Variants in PTK2B observed in about 807,000 individuals in gnomAD.
PTK2B encodes protein tyrosine kinase 2 beta.
A neutral mutation model predicts 142.9 loss-of-function variants in PTK2B; 71 were observed. The ratio of observed to expected loss-of-function variants is 0.50; its 90% CI spans 0.41 to 0.61. The LOEUF (loss-of-function observed/expected upper bound fraction) is 0.61, where lower values mean the gene tolerates loss of function less well. Among genes scored for constraint, PTK2B ranks in the 20% least tolerant of loss-of-function variants. The probability of loss-of-function intolerance (pLI) is 0.00; values close to 1 mark genes in which losing one functional copy is unlikely to be tolerated. For synonymous variants in PTK2B, 519 were observed against 503.4 expected (o/e 1.03, Z -0.42); for missense variants, 1,105 against 1,320.4 (o/e 0.84, Z 2.53).
At chr8:27,439,823 C>T (rs1298431656) in intron 20 of PTK2B, among the ~76,000 whole-genome samples, 1 of 152,174 alleles carries the variant, frequency 6.6e-6, no homozygotes, top group Non-Finnish European at 1.5e-5. Context: ...TATTATTACT[C>T]TCATTTTCCT....
At chr8:27,360,618 A>G (rs1805642520) in intron 1 of PTK2B, among the ~76,000 whole-genome samples, 1 of 151,658 alleles carries the variant, frequency 6.6e-6, no homozygotes, top group Non-Finnish European at 1.5e-5. Context: ...TGGCGATGCA[A>G]TCATAAAGGG....
At chr8:27,429,843 C>T (rs754222848) in intron 5 of PTK2B, among the ~76,000 whole-genome samples, 2 of 152,188 alleles carry the variant, frequency 1.3e-5, no homozygotes, top group African/African-American at 2.4e-5. Flanking sequence ...CTCCTCAGCC[C>T]AGTATCTGCC....
chr8:27,360,249 A>G (rs1010865341), intron 1 of PTK2B, among the ~76,000 whole-genome samples: 2 of 152,236 alleles, frequency 1.3e-5, no homozygotes, highest in Non-Finnish European at 2.9e-5. Context: ...AGGGTGACGC[A>G]TAAAGAGACA....
intron 1 of PTK2B, among the ~76,000 whole-genome samples, chr8:27,377,319 A>G (rs926765883): frequency 6.6e-6 from 1 of 152,220 alleles, no homozygotes; most frequent in Non-Finnish European, 1.5e-5. Context: ...TACCACGTAC[A>G]TGATGGATAT....
chr8:27,372,730 C>G (rs757865792), intron 1 of PTK2B, among the ~76,000 whole-genome samples: 2 of 152,144 alleles, frequency 1.3e-5, no homozygotes, highest in Non-Finnish European at 2.9e-5. Context: ...CTGAGGACAC[C>G]TGGGCTGTGC....
At chr8:27,415,484 T>C (rs1809346108) in intron 2 of PTK2B, among the ~76,000 whole-genome samples, 1 of 152,228 alleles carries the variant, frequency 6.6e-6, no homozygotes, top group Non-Finnish European at 1.5e-5. Context: ...TGATAAAATC[T>C]GGACAAAATA....
chr8:27,448,762 GT>G (rs1234382057), intron 24 of PTK2B, among the ~76,000 whole-genome samples: 2 of 152,114 alleles, frequency 1.3e-5, no homozygotes, highest in African/African-American at 4.8e-5. Context: ...GTCACTATTT[GT>G]CAACAGCCTG....
chr8:27,458,369 G>A lies in PTK2B; in HGVS notation c.2890G>A (p.Ala964Thr), dbSNP rs752871623. The change falls in exon 31 of 31, where the codon GCC (alanine) becomes ACC (threonine). Residue 964 changes from alanine to threonine, a missense_variant. Physicochemically the swap from Ala to Thr is moderately conservative, Grantham distance 58 (BLOSUM62 0). Coordinates refer to ENST00000346049, the MANE Select transcript of PTK2B (RefSeq NM_173176.3). ...CAAGATGCGGCTGGCACAGCAGAAC[G>A]CCGTGACCTCCCTAAGTGAGGAGTG... Reference protein sequence around the residue: ...INKMRLAQQNAVTSLSEECKR... With the variant: ...INKMRLAQQNTVTSLSEECKR... 6 of 1,613,674 alleles carry A rather than the reference G, an allele frequency of 3.7e-6. No homozygotes were observed. Among genetic ancestry groups the A allele is most frequent in the African/African-American group, 2.7e-5 (2 of 74,922 alleles).
upstream of PTK2B, among the ~76,000 whole-genome samples, chr8:27,322,099 C>T (rs1243619906): frequency 6.6e-6 from 1 of 152,106 alleles, no homozygotes; most frequent in African/African-American, 2.4e-5. Flanking sequence ...AAGCGATTCT[C>T]CTGCCTCAGC....
intron 1 of PTK2B, among the ~76,000 whole-genome samples, chr8:27,350,609 G>C (rs6987305): frequency 2.0e-5 from 3 of 151,848 alleles, no homozygotes; most frequent in African/African-American, 7.3e-5. Context: ...CTCCTGCTTC[G>C]TAATAAAGTT....
In PTK2B at chr8:27,440,262, C is replaced by T. The variant is rs747780919; in HGVS notation, c.1860C>T (p.Ser620=). ...CCGTGTGCATGTGGGAGATCCTGAG[C>T]TTTGGGAAGCAGCCCTTCTTCTGGC... ...MFAVCMWEIL[S]FGKQPFFWLE... The change falls in exon 21 of 31, where the codon AGC becomes AGT. Residue 620 remains serine, a synonymous_variant. Coordinates refer to ENST00000346049, the MANE Select transcript of PTK2B (RefSeq NM_173176.3). 6.2e-7 allele frequency: 1 copy of T among 1,614,084 alleles called. No individual in the cohort carries two copies. The highest frequency in any genetic ancestry group is 2.2e-5 in the East Asian group (1 of 44,892).
intron 1 of PTK2B, among the ~76,000 whole-genome samples, chr8:27,377,037 C>T (rs148144343): frequency 3.2e-4 from 49 of 152,264 alleles, no homozygotes; most frequent in African/African-American, 1.1e-3. Flanking sequence ...ACCAGAGACT[C>T]GCTGTGCAAA....
At chr8:27,379,387 G>T (rs1418461810) in intron 1 of PTK2B, among the ~76,000 whole-genome samples, 1 of 152,034 alleles carries the variant, frequency 6.6e-6, no homozygotes, top group African/African-American at 2.4e-5. Flanking sequence ...CCACCATGCC[G>T]GGGTCTTTTT....
intron 11 of PTK2B, among the ~76,000 whole-genome samples, chr8:27,433,784 G>A (rs1318581154): frequency 6.6e-6 from 1 of 152,230 alleles, no homozygotes; most frequent in African/African-American, 2.4e-5. Context: ...CTGGAGGAGA[G>A]GCGTTTTAGC....
chr8:27,458,737 A>T lies in PTK2B; in HGVS notation c.*228A>T, dbSNP rs1812313117. 1.7e-6 allele frequency: 1 copy of T among 582,912 alleles called. No individual in the cohort carries two copies. Among genetic ancestry groups the T allele is most frequent in the Non-Finnish European group, 3.1e-6 (1 of 327,206 alleles). 36.1% of individuals were successfully genotyped at this position (582,912 alleles called of 1,614,324 possible). On this transcript the variant is annotated 3_prime_UTR_variant, in exon 31 of 31. Transcript: ENST00000346049. The stretch of plus-strand genomic sequence containing the variant: ...TGGACACAGGGTGACGGTGACAAAG[A>T]TGGCTCAGAGGGGGACTGCTGCTGC...
Position 27,453,115 on chromosome 8 carries a change from G to A in PTK2B, c.2550G>A (p.Leu850=). The A allele has an allele frequency of 6.2e-7, 1 of 1,614,092 alleles. No individual in the cohort carries two copies. The highest frequency in any genetic ancestry group is 1.1e-5 in the South Asian group (1 of 91,074). Residue 850 remains leucine, a splice_region_variant and synonymous_variant, in exon 28 of 31, where the codon CTG becomes CTA. Coordinates refer to ENST00000346049, the MANE Select transcript of PTK2B (RefSeq NM_173176.3). ...PLTPEKEVGY[L]EFTGPPQKPP... is the part of the protein sequence containing the mutation. ...CACTTGCTGTTCTTTTTATTGCAGTGGAGTTCACAGGGCCCCCACAGAAGC... is the reference window on the plus strand; with the variant it reads ...CACTTGCTGTTCTTTTTATTGCAGTAGAGTTCACAGGGCCCCCACAGAAGC...
chr8:27,342,825 C>G (rs76098325), intron 1 of PTK2B, among the ~76,000 whole-genome samples: 5 of 152,216 alleles, frequency 3.3e-5, no homozygotes, highest in African/African-American at 1.2e-4. Context: ...CTTTATCCCC[C>G]CTCAGTGGGT....
At chr8:27,334,793 C>T (rs144297908) in intron 1 of PTK2B, among the ~76,000 whole-genome samples, 316 of 152,260 alleles carry the variant, frequency 2.1e-3, no homozygotes, top group African/African-American at 7.2e-3. Flanking sequence ...GGCCACATCC[C>T]GAGTCTCTTG....
chr8:27,350,194 A>G (rs1376984061), intron 1 of PTK2B, among the ~76,000 whole-genome samples: 1 of 152,226 alleles, frequency 6.6e-6, no homozygotes, highest in Non-Finnish European at 1.5e-5. Context: ...TAGCAGCCTA[A>G]AAGACAGTGG....
Sources: allele counts gnomAD v4.1 joint callset (sites outside exome capture counted in the v4.1 genomes callset), GRCh38; gene constraint gnomAD v4.1.1; transcripts MANE v1.5; gene names NCBI Gene and HGNC (gene_info 2026-07-23, HGNC 2026-07-21).